ZPBP: variants seen among roughly 807,000 people sequenced by gnomAD.
ZPBP encodes the protein zona pellucida binding protein.
ZPBP carries 26 observed loss-of-function variants against 44.8 expected under a neutral mutation model. That is an observed-to-expected ratio of 0.58 (90% CI 0.43 to 0.81). The LOEUF is 0.81. Among genes scored for constraint, ZPBP ranks in the 30% least tolerant of loss-of-function variants. The probability of loss-of-function intolerance (pLI) is 0.00; values close to 1 mark genes in which losing one functional copy is unlikely to be tolerated. For synonymous variants in ZPBP, 174 were observed against 153.2 expected (o/e 1.14, Z -1.00); for missense variants, 409 against 434.0 (o/e 0.94, Z 0.51).
chr7:49,882,925 G>C (rs1010687749), intron 2 of ZPBP, among the ~76,000 whole-genome samples: 1 of 151,772 alleles, frequency 6.6e-6, no homozygotes, highest in East Asian at 1.9e-4. Flanking sequence ...CTCTTCTGGA[G>C]AATAAATCCA....
chr7:50,040,198 TA>T (rs1800005463), intron 4 of ZPBP, among the ~76,000 whole-genome samples: 1 of 152,210 alleles, frequency 6.6e-6, no homozygotes, highest in South Asian at 2.1e-4. Context: ...AGACTAGATT[TA>T]AAAAGTTATA....
At chr7:49,987,578 C>T (rs1234209554) in intron 6 of ZPBP, among the ~76,000 whole-genome samples, 2 of 152,160 alleles carry the variant, frequency 1.3e-5, no homozygotes, top group African/African-American at 4.8e-5. Context: ...TTTATTAGGC[C>T]CTGGAAACTG....
chr7:50,021,219 C>G (rs1170764381), intron 5 of ZPBP, among the ~76,000 whole-genome samples: 1 of 152,000 alleles, frequency 6.6e-6, no homozygotes, highest in Non-Finnish European at 1.5e-5. Context: ...TATAAAAACT[C>G]TAAATCAGCT....
chr7:49,942,725 CCTT>C (rs1421579528), intron 7 of ZPBP: 1 of 153,158 alleles, frequency 6.5e-6, no homozygotes, highest in Non-Finnish European at 1.5e-5. Flanking sequence ...CTTCTGCTCC[CCTT>C]CTTCAATAGA....
At chr7:49,975,379 T>A (rs1456907107) in intron 7 of ZPBP, among the ~76,000 whole-genome samples, 2 of 152,164 alleles carry the variant, frequency 1.3e-5, no homozygotes, top group Non-Finnish European at 2.9e-5. Context: ...GTTTCCTGAC[T>A]GCTCCCCAAG....
chr7:49,907,478 T>C (rs1367568976), intron 1 of ZPBP, among the ~76,000 whole-genome samples: 1 of 152,146 alleles, frequency 6.6e-6, no homozygotes, highest in Non-Finnish European at 1.5e-5. Flanking sequence ...GGAGAGTATA[T>C]TAAGGATTTT....
chr7:50,013,760 T>A (rs1798688515), intron 6 of ZPBP, among the ~76,000 whole-genome samples: 1 of 152,028 alleles, frequency 6.6e-6, no homozygotes, highest in African/African-American at 2.4e-5. Context: ...GTAATCAAGC[T>A]CCACTTGGTC....
chr7:49,875,151 C>T (rs915760769), intron 2 of ZPBP, among the ~76,000 whole-genome samples: 3 of 151,052 alleles, frequency 2.0e-5, no homozygotes, highest in Admixed American at 1.3e-4. Flanking sequence ...GCAGGCAGAT[C>T]ACAAGGTCAG....
intron 7 of ZPBP, among the ~76,000 whole-genome samples, chr7:49,976,966 G>A (rs911178562): frequency 1.3e-5 from 2 of 152,052 alleles, no homozygotes; most frequent in African/African-American, 2.4e-5. Context: ...CCCGGGCACG[G>A]TGGTGGGCGC....
At chr7:50,037,153 G>A (rs995280704) in intron 4 of ZPBP, among the ~76,000 whole-genome samples, 1 of 152,106 alleles carries the variant, frequency 6.6e-6, no homozygotes, top group African/African-American at 2.4e-5. Flanking sequence ...ACTGAATAAA[G>A]TAATCACTAC....
intron 2 of ZPBP, among the ~76,000 whole-genome samples, chr7:49,885,891 AGAG>A (rs1424433544): frequency 1.3e-5 from 2 of 152,270 alleles, no homozygotes; most frequent in Admixed American, 1.3e-4. Flanking sequence ...TTGGCATGGC[AGAG>A]GAGGAGAGGA....
chr7:49,971,737 C>T (rs1236972601), intron 7 of ZPBP, among the ~76,000 whole-genome samples: 1 of 152,056 alleles, frequency 6.6e-6, no homozygotes, highest in Non-Finnish European at 1.5e-5. Context: ...GAAGGAACTT[C>T]CTAACTCATT....
intron 4 of ZPBP, among the ~76,000 whole-genome samples, chr7:50,038,217 C>T (rs1356690366): frequency 4.6e-5 from 7 of 152,148 alleles, no homozygotes; most frequent in Non-Finnish European, 8.8e-5. Flanking sequence ...TGCTATCGCT[C>T]AGAGAATTTA....
chr7:50,013,526 C>T (rs962531304), intron 6 of ZPBP, among the ~76,000 whole-genome samples: 3 of 151,852 alleles, frequency 2.0e-5, no homozygotes, highest in African/African-American at 4.8e-5. Flanking sequence ...TAATAATAGT[C>T]TATTTTGAAA....
chr7:50,058,687 A>T (rs1040855881), intron 3 of ZPBP, among the ~76,000 whole-genome samples: 3 of 152,178 alleles, frequency 2.0e-5, no homozygotes, highest in Non-Finnish European at 4.4e-5. Flanking sequence ...AGAAGAAAAA[A>T]AAATATTGGA....
chr7:49,970,010 C>A (rs531744173), intron 7 of ZPBP, among the ~76,000 whole-genome samples: 1 of 80,376 alleles, frequency 1.2e-5, no homozygotes, highest in African/African-American at 5.3e-5. Context: ...CAGGCATGCA[C>A]CACCACTCCC....
chr7:49,932,097 G>T (rs1794466953), intron 1 of ZPBP, among the ~76,000 whole-genome samples: 1 of 152,242 alleles, frequency 6.6e-6, no homozygotes, highest in South Asian at 2.1e-4. Flanking sequence ...GAGGTGTGCT[G>T]CAGGGGTGGA....
At chr7:49,973,679 A>G (rs1286476042) in intron 7 of ZPBP, among the ~76,000 whole-genome samples, 1 of 152,102 alleles carries the variant, frequency 6.6e-6, no homozygotes, top group Non-Finnish European at 1.5e-5. Context: ...TGTAAAAAAC[A>G]AACAAGTAAG....
At chr7:50,019,480 T>C (rs1798982893) in intron 5 of ZPBP, among the ~76,000 whole-genome samples, 1 of 152,268 alleles carries the variant, frequency 6.6e-6, no homozygotes, top group Admixed American at 6.5e-5. Flanking sequence ...TATTATTATA[T>C]GAATATTTTC....
Sources: gnomAD v4.1 joint callset for allele counts (sites outside exome capture counted in the v4.1 genomes callset) on GRCh38, gnomAD v4.1.1 for gene constraint, MANE v1.5 for transcripts, NCBI Gene and HGNC (gene_info 2026-07-23, HGNC 2026-07-21) for gene names.